TXNDC16: variants seen among roughly 807,000 people sequenced by gnomAD.
TXNDC16 encodes thioredoxin domain-containing protein 16.
TXNDC16 carries 74 observed loss-of-function variants against 85.6 expected under a neutral mutation model. That is an observed-to-expected ratio of 0.86 (90% confidence interval 0.72 to 1.05). The LOEUF is 1.05. Among genes scored for constraint, TXNDC16 ranks in the 50% least tolerant of loss-of-function variants. The pLI is 0.00. For missense variants in TXNDC16, 959 were observed against 947.0 expected (o/e 1.01, Z -0.17); for synonymous variants, 335 against 326.5 (o/e 1.03, Z -0.28).
At chr14:52,448,270 A>T (rs760222905) in intron 18 of TXNDC16, among the ~76,000 whole-genome samples, 230 of 152,038 alleles carry the variant, frequency 1.5e-3, no homozygotes, top group Non-Finnish European at 2.6e-3. Context: ...TCAAGGATTT[A>T]AAAAAAAGGA....
intron 18 of TXNDC16, among the ~76,000 whole-genome samples, chr14:52,449,180 C>T (rs909282785): frequency 6.6e-6 from 1 of 151,664 alleles, no homozygotes; most frequent in Admixed American, 6.6e-5. Flanking sequence ...TAATAAGATC[C>T]CATGATCAGT....
intron 9 of TXNDC16, among the ~76,000 whole-genome samples, chr14:52,508,637 T>C (rs192238453): frequency 2.9e-3 from 439 of 152,280 alleles, no homozygotes; most frequent in South Asian, 0.01. Flanking sequence ...TGCGGCACTA[T>C]TCACAATAGC....
chr14:52,476,718 T>C (rs1224531467), intron 14 of TXNDC16, among the ~76,000 whole-genome samples: 6 of 152,104 alleles, frequency 3.9e-5, no homozygotes, highest in African/African-American at 9.7e-5. Flanking sequence ...TAATCAGTGT[T>C]CTTAAGAAGA....
At chr14:52,466,740 T>G (rs10148210) in intron 16 of TXNDC16, among the ~76,000 whole-genome samples, 77,469 of 151,258 alleles carry the variant, frequency 0.51, 20,774 homozygotes, top group East Asian at 0.71. Flanking sequence ...GGTGGCAGGC[T>G]CCTGTAGTCC....
chr14:52,488,221 G>A, intron 12 of TXNDC16, 142 bp downstream of exon 12: 1 of 952,082 alleles, frequency 1.1e-6, no homozygotes, highest in Admixed American at 2.6e-5. Flanking sequence ...GATAAAATGT[G>A]GTTCCAAATA....
chr14:52,469,647 G>A (rs1198459155), intron 16 of TXNDC16, among the ~76,000 whole-genome samples: 1 of 151,502 alleles, frequency 6.6e-6, no homozygotes, highest in Non-Finnish European at 1.5e-5. Context: ...GGAGGCTGAG[G>A]CAGGAGAATC....
chr14:52,454,649 C>CAAAAAA (rs34727206), intron 18 of TXNDC16, among the ~76,000 whole-genome samples: 4 of 60,386 alleles, frequency 6.6e-5, no homozygotes, highest in Non-Finnish European at 9.6e-5. Flanking sequence ...ACTAAAAATA[C>CAAAAAA]AAAAAAAAAA....
chr14:52,485,934 G>A (rs1022910337), intron 12 of TXNDC16, among the ~76,000 whole-genome samples: 9 of 151,972 alleles, frequency 5.9e-5, no homozygotes, highest in African/African-American at 1.7e-4. Context: ...TTTTCTATAC[G>A]ACTCTAGTCA....
At chr14:52,445,222 T>G (rs1406268016) in intron 18 of TXNDC16, among the ~76,000 whole-genome samples, 1 of 152,180 alleles carries the variant, frequency 6.6e-6, no homozygotes, top group East Asian at 1.9e-4. Flanking sequence ...AGGAATTACT[T>G]AATAACATGT....
intron 12 of TXNDC16, among the ~76,000 whole-genome samples, chr14:52,483,817 A>C (rs1280367496): frequency 2.0e-5 from 3 of 152,204 alleles, no homozygotes; most frequent in African/African-American, 7.2e-5. Context: ...ATTCATAAAT[A>C]TTCTGTTGGA....
chr14:52,504,129 A>C (rs1486824302), intron 9 of TXNDC16, among the ~76,000 whole-genome samples: 2 of 152,238 alleles, frequency 1.3e-5, no homozygotes, highest in Non-Finnish European at 2.9e-5. Context: ...GGATGGAACC[A>C]AGTTAGAAAA....
intron 6 of TXNDC16, among the ~76,000 whole-genome samples, chr14:52,520,275 G>A (rs2037178399): frequency 6.6e-6 from 1 of 152,138 alleles, no homozygotes; most frequent in African/African-American, 2.4e-5. Flanking sequence ...CATCCTTTCA[G>A]TGTATAAATC....
In TXNDC16 at chr14:52,482,256, T is replaced by C. The variant is rs766936184; in HGVS notation, c.1286A>G (p.Tyr429Cys). The change falls in exon 14 of 21, where the codon TAT (tyrosine) becomes TGT (cysteine). Residue 429 changes from tyrosine (Y) to cysteine (C), a missense_variant. By Grantham distance (194) the Tyr-to-Cys change is radical. Transcript: ENST00000281741. Reference sequence around the variant, plus strand: ...TTTCAGTTTAACTGCCACATCAATATAGGATTGCAAAAATGCCATGGATAC... The same window carrying C: ...TTTCAGTTTAACTGCCACATCAATACAGGATTGCAAAAATGCCATGGATAC... ...QAVSMAFLQS[Y>C]IDVAVKLKGT... 6.2e-7 allele frequency: 1 copy of C among 1,612,158 alleles called. No homozygotes were observed. The highest frequency in any genetic ancestry group is 1.7e-5 in the Admixed American group (1 of 59,942).
At chr14:52,444,440 A>G (rs2035234515) in intron 18 of TXNDC16, among the ~76,000 whole-genome samples, 1 of 152,158 alleles carries the variant, frequency 6.6e-6, no homozygotes, top group Non-Finnish European at 1.5e-5. Flanking sequence ...ACTTCATACC[A>G]TAATAAAAAA....
intron 9 of TXNDC16, among the ~76,000 whole-genome samples, chr14:52,496,156 T>A (rs1461583796): frequency 6.9e-6 from 1 of 145,876 alleles, no homozygotes; most frequent in Admixed American, 6.9e-5. Flanking sequence ...CGAGACTCCA[T>A]CTCAAAAAAA....
chr14:52,436,621 G>A (rs1322498325), intron 20 of TXNDC16, among the ~76,000 whole-genome samples: 1 of 152,116 alleles, frequency 6.6e-6, no homozygotes, highest in African/African-American at 2.4e-5. Context: ...AGCATAATAT[G>A]TTTGTTAAAA....
chr14:52,541,740 G>C (rs1295594922), intron 4 of TXNDC16, among the ~76,000 whole-genome samples: 1 of 152,074 alleles, frequency 6.6e-6, no homozygotes, highest in East Asian at 1.9e-4. Context: ...CCCTCATTCA[G>C]TTGTCTGATA....
chr14:52,433,705 T>C (rs2034960828), intron 20 of TXNDC16, among the ~76,000 whole-genome samples: 1 of 152,234 alleles, frequency 6.6e-6, no homozygotes, highest in African/African-American at 2.4e-5. Flanking sequence ...TGGTAATTGG[T>C]ACATCAGCAG....
At position 52,511,230 on chromosome 14, in the gene TXNDC16, A is replaced by G. The variant is rs777119166; in HGVS notation, c.756+10T>C. On this transcript the variant is annotated intron_variant, in intron 9 of 20. Coordinates refer to ENST00000281741, the MANE Select transcript of TXNDC16 (RefSeq NM_020784.3). ...AGAAAGCAAATAAAAATATAAAATA[A>G]GACACATACCAACAGAGGTGCTTTC... The G allele has an allele frequency of 7.2e-6, 11 of 1,517,806 alleles. No homozygotes were observed. The African/African-American group carries it at 1.5e-4, about 21-fold the overall frequency. The allele number at this position is 1,517,806 out of a possible 1,614,324, so 94.0% of individuals were successfully genotyped here. A position where few individuals can be genotyped will look rare whatever the true frequency, so the allele number is the denominator to read the frequency against.
Sources: gnomAD v4.1 joint callset for allele counts (sites outside exome capture counted in the v4.1 genomes callset) on GRCh38, gnomAD v4.1.1 for gene constraint, MANE v1.5 for transcripts, NCBI Gene and HGNC (gene_info 2026-07-23, HGNC 2026-07-21) for gene names.